Variants in KCNB2 observed in about 807,000 individuals in gnomAD.
The protein encoded by KCNB2 is delayed rectifier potassium channel protein.
KCNB2 carries 15 observed loss-of-function variants against 61.5 expected under a neutral mutation model. The ratio of observed to expected loss-of-function variants is 0.24; its 90% CI spans 0.16 to 0.38. The LOEUF is 0.38. Ranked by LOEUF, KCNB2 falls within the 10% of genes least tolerant of loss-of-function variation. The probability of loss-of-function intolerance (pLI) is 1.00; values close to 1 mark genes in which losing one functional copy is unlikely to be tolerated. For missense variants in KCNB2, 828 were observed against 1,125.2 expected, an observed-to-expected ratio of 0.74 and a Z score of 3.78; for synonymous variants, 457 against 446.0, an observed-to-expected ratio of 1.02 and a Z score of -0.31.
intron 2 of KCNB2, among the ~76,000 whole-genome samples, chr8:72,812,630 C>T (rs1163402971): frequency 6.6e-6 from 1 of 151,914 alleles, no homozygotes; most frequent in African/African-American, 2.4e-5. Context: ...ACTACCTTTT[C>T]TGGGTCTATG....
At chr8:72,825,355 A>G (rs1358758028) in intron 2 of KCNB2, among the ~76,000 whole-genome samples, 1 of 152,164 alleles carries the variant, frequency 6.6e-6, no homozygotes, top group African/African-American at 2.4e-5. Flanking sequence ...TGCTATGAAC[A>G]TGGGTGTACA....
chr8:72,805,668 C>T (rs1340108247), intron 2 of KCNB2, among the ~76,000 whole-genome samples: 1 of 152,202 alleles, frequency 6.6e-6, no homozygotes, highest in African/African-American at 2.4e-5. Flanking sequence ...CCTCTCACCC[C>T]TAAACTCATT....
intron 2 of KCNB2, among the ~76,000 whole-genome samples, chr8:72,654,856 A>G (rs562114071): frequency 6.6e-6 from 1 of 152,294 alleles, no homozygotes; most frequent in African/African-American, 2.4e-5. Flanking sequence ...AGCGAGTGGA[A>G]TGTAAATTAG....
At chr8:72,810,067 C>T (rs945496489) in intron 2 of KCNB2, among the ~76,000 whole-genome samples, 1 of 152,118 alleles carries the variant, frequency 6.6e-6, no homozygotes, top group Non-Finnish European at 1.5e-5. Context: ...GGCCTCCTGC[C>T]TAGAATGTAG....
intron 2 of KCNB2, among the ~76,000 whole-genome samples, chr8:72,856,463 A>G (rs1042550637): frequency 1.9e-4 from 29 of 152,290 alleles, no homozygotes; most frequent in African/African-American, 7.0e-4. Flanking sequence ...ACCTGAAACT[A>G]AATTGAACAG....
chr8:72,859,817 T>TCTCCTGCCTC (rs1810270452), intron 2 of KCNB2, among the ~76,000 whole-genome samples: 1 of 143,816 alleles, frequency 7.0e-6, no homozygotes, highest in Non-Finnish European at 1.5e-5. Flanking sequence ...CCCCCTGGGT[T>TCTCCTGCCTC]CAAGCGATTC....
chr8:72,836,963 G>T (rs886322702), intron 2 of KCNB2, among the ~76,000 whole-genome samples: 1 of 152,096 alleles, frequency 6.6e-6, no homozygotes, highest in Admixed American at 6.6e-5. Context: ...CTTTTGTGCA[G>T]GTACTTCAAA....
At chr8:72,736,457 G>T (rs1807848012) in intron 2 of KCNB2, among the ~76,000 whole-genome samples, 3 of 152,030 alleles carry the variant, frequency 2.0e-5, no homozygotes, top group Admixed American at 6.6e-5. Context: ...AGGTTCATTA[G>T]TTGAAACCTA....
intron 2 of KCNB2, among the ~76,000 whole-genome samples, chr8:72,702,361 A>G (rs1299389188): frequency 6.6e-6 from 1 of 152,152 alleles, no homozygotes; most frequent in Admixed American, 6.5e-5. Flanking sequence ...GAACATGAGC[A>G]GCACTGCTCA....
intron 2 of KCNB2, among the ~76,000 whole-genome samples, chr8:72,597,080 G>A (rs1807209626): frequency 7.4e-6 from 1 of 134,870 alleles, no homozygotes; most frequent in South Asian, 2.4e-4. Context: ...CTGGAGTGCA[G>A]TGGCACGATC....
At chr8:72,708,285 T>C (rs1807266823) in intron 2 of KCNB2, among the ~76,000 whole-genome samples, 1 of 146,854 alleles carries the variant, frequency 6.8e-6, no homozygotes, top group Non-Finnish European at 1.5e-5. Flanking sequence ...CTTATGAGAA[T>C]TTGTGTTCTC....
chr8:72,705,174 A>G (rs780595578), intron 2 of KCNB2, among the ~76,000 whole-genome samples: 38 of 152,062 alleles, frequency 2.5e-4, no homozygotes, highest in Non-Finnish European at 1.9e-4. Flanking sequence ...CTTCCTCACT[A>G]TGTTCTTCAG....
intron 2 of KCNB2, among the ~76,000 whole-genome samples, chr8:72,911,807 A>T (rs1290381450): frequency 6.6e-6 from 1 of 152,144 alleles, no homozygotes; most frequent in Non-Finnish European, 1.5e-5. Context: ...AATTTACTTA[A>T]TCTCTTTGTG....
intron 2 of KCNB2, among the ~76,000 whole-genome samples, chr8:72,775,504 G>A (rs752445659): frequency 3.9e-5 from 6 of 152,196 alleles, no homozygotes; most frequent in East Asian, 1.9e-4. Flanking sequence ...AGATGTGTGC[G>A]CGTATTTTTT....
At chr8:72,922,313 A>G (rs1806540280) in intron 2 of KCNB2, among the ~76,000 whole-genome samples, 1 of 152,218 alleles carries the variant, frequency 6.6e-6, no homozygotes, top group Non-Finnish European at 1.5e-5. Flanking sequence ...AACTAATGAC[A>G]TCTGCAAAGA....
intron 2 of KCNB2, among the ~76,000 whole-genome samples, chr8:72,817,703 A>G (rs530595796): frequency 6.6e-6 from 1 of 152,172 alleles, no homozygotes; most frequent in Non-Finnish European, 1.5e-5. Context: ...CTAGGAATTT[A>G]TGGGTGAGTT....
At chr8:72,563,627 A>T (rs1806575746) in intron 1 of KCNB2, among the ~76,000 whole-genome samples, 1 of 152,096 alleles carries the variant, frequency 6.6e-6, no homozygotes, top group Non-Finnish European at 1.5e-5. Context: ...ATGTGGCGTT[A>T]ACAGACATGG....
intron 1 of KCNB2, among the ~76,000 whole-genome samples, chr8:72,539,657 G>A (rs756459330): frequency 3.5e-4 from 53 of 152,044 alleles, no homozygotes; most frequent in Non-Finnish European, 5.6e-4. Flanking sequence ...CTGCCACTTT[G>A]AGAGTTCTCA....
chr8:72,822,715 A>G (rs905524004), intron 2 of KCNB2, among the ~76,000 whole-genome samples: 1 of 152,272 alleles, frequency 6.6e-6, no homozygotes, highest in Non-Finnish European at 1.5e-5. Flanking sequence ...ATGGTTTTCT[A>G]CTAAATTTAG....
Sources: allele counts gnomAD v4.1 joint callset (sites outside exome capture counted in the v4.1 genomes callset), GRCh38; gene constraint gnomAD v4.1.1; transcripts MANE v1.5; gene names NCBI Gene and HGNC (gene_info 2026-07-23, HGNC 2026-07-21).